Variants in NIPSNAP3A observed in about 807,000 individuals in gnomAD.
NIPSNAP3A encodes nipsnap homolog 3A, also known as protein NipSnap homolog 3A.
In NIPSNAP3A, 27 loss-of-function variants were observed where a neutral mutation model predicts 32.3. That is an observed-to-expected ratio of 0.84 (90% CI 0.62 to 1.15). NIPSNAP3A has a LOEUF of 1.15. NIPSNAP3A is among the 50% of genes most tolerant of loss of function. The probability of loss-of-function intolerance (pLI) is 0.00; values close to 1 mark genes in which losing one functional copy is unlikely to be tolerated. For missense variants in NIPSNAP3A, 278 were observed against 297.2 expected (o/e 0.94, Z 0.48); for synonymous variants, 108 against 107.3 (o/e 1.01, Z -0.04).
intron 4 of NIPSNAP3A, among the ~76,000 whole-genome samples, chr9:104,754,919 T>G (rs1446925913): frequency 2.6e-5 from 4 of 152,194 alleles, no homozygotes; most frequent in African/African-American, 7.2e-5. Flanking sequence ...TTTTCCCTGA[T>G]ACATCAAAAT....
rs1827844689 is a variant in NIPSNAP3A, at chr9:104,751,157, T to C, written c.262T>C (p.Trp88Arg). The C allele has an allele frequency of 1.2e-6, 2 of 1,613,430 alleles. No homozygotes were observed. Among genetic ancestry groups the C allele is most frequent in the Non-Finnish European group, 1.7e-6 (2 of 1,179,420 alleles). ...CAGAATGAATACAGTGTTTCATATT[T>C]GGAAGTATGGTAAAGAGTCATCCAA... is the stretch of plus-strand genomic sequence containing the variant. The part of the protein sequence containing the change: ...GGRMNTVFHI[W>R]KYDNFAHRTE... Residue 88 changes from tryptophan to arginine, a missense_variant, in exon 2 of 6, where the codon TGG becomes CGG. By Grantham distance (101) the Trp-to-Arg change is moderately radical. Coordinates refer to ENST00000374767, the MANE Select transcript of NIPSNAP3A (RefSeq NM_015469.3).
Position 104,747,840 on chromosome 9 carries a change from G to C in NIPSNAP3A, c.48G>C (p.Thr16=), listed in dbSNP as rs762759901. The C allele has an allele frequency of 6.2e-7, 1 of 1,608,280 alleles. No individual in the cohort carries two copies. Among genetic ancestry groups the C allele is most frequent in the Non-Finnish European group, 8.5e-7 (1 of 1,178,850 alleles). ...TGACTCGGGCGCTGGCCTCACGGAC[G>C]CTGGCGCCTCAGGTACCGGCCACGG... is the stretch of plus-strand genomic sequence containing the variant. ...SALTRALASR[T]LAPQMCSSFA... The change falls in exon 1 of 6, where the codon ACG becomes ACC. Residue 16 remains threonine (T), a synonymous_variant. Coordinates refer to ENST00000374767, the MANE Select transcript of NIPSNAP3A (RefSeq NM_015469.3).
Sources: allele counts gnomAD v4.1 joint callset (sites outside exome capture counted in the v4.1 genomes callset), GRCh38; gene constraint gnomAD v4.1.1; transcripts MANE v1.5; gene names NCBI Gene and HGNC (gene_info 2026-07-23, HGNC 2026-07-21).